SLC35F4: variants seen among roughly 807,000 people sequenced by gnomAD.
SLC35F4 encodes the protein chromosome 14 open reading frame 36.
In SLC35F4, 24 loss-of-function variants were observed where a neutral mutation model predicts 44.2. The observed-to-expected ratio is 0.54, with a 90% CI of 0.39 to 0.76. The LOEUF is 0.76. SLC35F4 is among the 30% of genes least tolerant of loss of function. SLC35F4 has a pLI of 0.00. For missense variants in SLC35F4, 562 were observed against 586.1 expected (o/e 0.96, Z 0.42); for synonymous variants, 238 against 223.6 (o/e 1.06, Z -0.57).
intron 1 of SLC35F4, among the ~76,000 whole-genome samples, chr14:57,944,674 AG>A (rs1366325042): frequency 1.4e-5 from 2 of 140,122 alleles, no homozygotes; most frequent in African/African-American, 6.1e-5. Flanking sequence ...AGAGAAAGAA[AG>A]AAAAAGAAAA....
chr14:57,739,995 G>C (rs777675714), intron 1 of SLC35F4, among the ~76,000 whole-genome samples: 1 of 152,110 alleles, frequency 6.6e-6, no homozygotes, highest in Non-Finnish European at 1.5e-5. Context: ...GAGTAGCTGG[G>C]TTTACAGGCA....
intron 1 of SLC35F4, among the ~76,000 whole-genome samples, chr14:57,757,757 C>G (rs1318569409): frequency 6.6e-6 from 1 of 152,072 alleles, no homozygotes; most frequent in Non-Finnish European, 1.5e-5. Flanking sequence ...TTGCTGTTAA[C>G]AATTATCTTT....
chr14:57,640,813 C>T (rs1335779329), intron 1 of SLC35F4, among the ~76,000 whole-genome samples: 1 of 151,760 alleles, frequency 6.6e-6, no homozygotes, highest in African/African-American at 2.4e-5. Context: ...TTAAAGAAAG[C>T]CACTTGAGAT....
chr14:57,733,315 G>A (rs528300754), intron 1 of SLC35F4, among the ~76,000 whole-genome samples: 10 of 147,824 alleles, frequency 6.8e-5, no homozygotes, highest in African/African-American at 2.5e-4. Context: ...TCTAAGAATG[G>A]ATTTTTAAAG....
intron 1 of SLC35F4, among the ~76,000 whole-genome samples, chr14:57,723,541 A>C (rs1433998087): frequency 6.6e-6 from 1 of 152,202 alleles, no homozygotes; most frequent in African/African-American, 2.4e-5. Flanking sequence ...TGGTGACTCC[A>C]ATTGCAGCTG....
chr14:57,981,845 A>C (rs1293515930), intron 1 of SLC35F4: 1 of 152,260 alleles, frequency 6.6e-6, no homozygotes, highest in East Asian at 1.9e-4. Context: ...TTCCGAGTTC[A>C]TCTGGCAGAC....
chr14:57,735,979 A>G (rs989873017), intron 1 of SLC35F4, among the ~76,000 whole-genome samples: 2 of 152,190 alleles, frequency 1.3e-5, no homozygotes, highest in Admixed American at 1.3e-4. Flanking sequence ...CCTCTAGAGT[A>G]GCTGGGATTA....
chr14:57,895,537 G>C (rs1443688614), intron 1 of SLC35F4, among the ~76,000 whole-genome samples: 3 of 151,692 alleles, frequency 2.0e-5, no homozygotes, highest in Non-Finnish European at 2.9e-5. Flanking sequence ...GAGATCTGAT[G>C]GTTTAAAAGC....
intron 1 of SLC35F4, among the ~76,000 whole-genome samples, chr14:57,713,616 T>A (rs531949647): frequency 6.6e-6 from 1 of 152,360 alleles, no homozygotes; most frequent in Non-Finnish European, 1.5e-5. Flanking sequence ...TTTACTACAC[T>A]GTACAATAAT....
At chr14:57,715,862 AAT>A (rs1336839866) in intron 1 of SLC35F4, among the ~76,000 whole-genome samples, 2 of 152,196 alleles carry the variant, frequency 1.3e-5, no homozygotes, top group Non-Finnish European at 2.9e-5. Flanking sequence ...GCCAAGATGT[AAT>A]ATAAAAATGT....
intron 1 of SLC35F4, among the ~76,000 whole-genome samples, chr14:57,720,592 C>G (rs760228543): frequency 1.3e-5 from 2 of 151,994 alleles, no homozygotes; most frequent in African/African-American, 4.8e-5. Flanking sequence ...TCCATTTCTT[C>G]TAGACTGTGA....
intron 1 of SLC35F4, among the ~76,000 whole-genome samples, chr14:57,687,713 C>T (rs1331431764): frequency 6.6e-6 from 1 of 152,122 alleles, no homozygotes; most frequent in South Asian, 2.1e-4. Context: ...GCTTTTCAAT[C>T]CCTTGTGGTT....
chr14:57,914,855 G>A (rs1478325839), intron 1 of SLC35F4, among the ~76,000 whole-genome samples: 2 of 152,080 alleles, frequency 1.3e-5, no homozygotes, highest in African/African-American at 2.4e-5. Context: ...GCACACTGGT[G>A]ACCTTACAGT....
chr14:57,892,527 GA>G (rs1258113175), intron 1 of SLC35F4, among the ~76,000 whole-genome samples: 1 of 152,148 alleles, frequency 6.6e-6, no homozygotes, highest in Non-Finnish European at 1.5e-5. Flanking sequence ...GCAGCTCCCA[GA>G]ACCACTTTGC....
chr14:57,689,899 T>A (rs911159464), intron 1 of SLC35F4, among the ~76,000 whole-genome samples: 2 of 151,424 alleles, frequency 1.3e-5, no homozygotes, highest in South Asian at 2.1e-4. Flanking sequence ...AAAATAAAAA[T>A]AAAAAAAAAT....
chr14:57,568,983 T>C (rs1429033227), intron 6 of SLC35F4, among the ~76,000 whole-genome samples: 2 of 152,264 alleles, frequency 1.3e-5, no homozygotes, highest in African/African-American at 4.8e-5. Context: ...TCCTCTCACA[T>C]CAAGTGACAG....
intron 1 of SLC35F4, among the ~76,000 whole-genome samples, chr14:57,829,892 G>A (rs1884168887): frequency 6.6e-6 from 1 of 152,252 alleles, no homozygotes; most frequent in East Asian, 1.9e-4. Flanking sequence ...TAAGCAATGG[G>A]AAATCACTCA....
exon 2 of SLC35F4, chr14:57,976,815 A>G (rs777741011): frequency 3.9e-5 from 6 of 152,236 alleles, no homozygotes; most frequent in Non-Finnish European, 8.8e-5. Context: ...CACATTTTTC[A>G]TGGAAAGGAA....
At chr14:57,919,745 G>A (rs1889405388) in intron 1 of SLC35F4, among the ~76,000 whole-genome samples, 1 of 152,194 alleles carries the variant, frequency 6.6e-6, no homozygotes, top group Middle Eastern at 3.2e-3. Context: ...AGGCCAATGG[G>A]AAGCCCAGGC....
Sources: allele counts gnomAD v4.1 joint callset (sites outside exome capture counted in the v4.1 genomes callset), GRCh38; gene constraint gnomAD v4.1.1; transcripts MANE v1.5; gene names NCBI Gene and HGNC (gene_info 2026-07-23, HGNC 2026-07-21).